The following MFN1 variants were observed in gnomAD, a reference collection of about 807,000 sequenced individuals.
MFN1 encodes mitofusin-1.
Under a neutral mutation model 92.4 loss-of-function variants are expected in MFN1, and 65 were observed. The ratio of observed to expected loss-of-function variants is 0.70; its 90% CI spans 0.58 to 0.86. MFN1 has a LOEUF of 0.86. Among genes scored for constraint, MFN1 ranks in the 40% least tolerant of loss-of-function variants. MFN1 has a pLI of 0.00. For synonymous variants in MFN1, 297 were observed against 300.9 expected (o/e 0.99, Z 0.13); for missense variants, 781 against 868.0 (o/e 0.90, Z 1.26).
chr3:179,372,289 A>G lies in MFN1; in HGVS notation c.976-2931A>G, dbSNP rs570981562. 2.8e-3 allele frequency among the ~76,000 whole-genome samples: 416 copies of G among 151,250 alleles called. 2 individuals are homozygous for G. Among genetic ancestry groups the G allele is most frequent in the African/African-American group, 9.5e-3 (394 of 41,368 alleles). On this transcript the variant is annotated intron_variant, in intron 9 of 17. Transcript: ENST00000471841. The stretch of plus-strand genomic sequence containing the variant: ...AAATAAGTTGGCAGTGATGAGTAGC[A>G]TGTTAGGTGTTTGTAGGGTCTGTTT...
At position 179,364,273 on chromosome 3, in the gene MFN1, CAATTTTTAT is replaced by C. The variant is rs779945906; in HGVS notation, c.537-23_537-15del. On this transcript the variant is annotated splice_polypyrimidine_tract_variant and intron_variant, in intron 5 of 17. Transcript: ENST00000471841. ...AATTTTCTTTTTAAGAAATATAATA[CAATTTTTAT>C]TTCACTCTCATTAGTCCAGGCACAG... 10 of 1,499,168 alleles carry C rather than the reference CAATTTTTAT, an allele frequency of 6.7e-6. No homozygotes were observed. Among genetic ancestry groups the C allele is most frequent in the Non-Finnish European group, 9.0e-6 (10 of 1,108,574 alleles). The allele number at this position is 1,499,168 out of a possible 1,614,324, so 92.9% of individuals were successfully genotyped here.
At chr3:179,391,809 G>A (rs780767810) in intron 17 of MFN1, among the ~76,000 whole-genome samples, 172 bp from the exon 18 acceptor site, 10 of 152,276 alleles carry the variant, frequency 6.6e-5, no homozygotes, top group Non-Finnish European at 1.0e-4. Flanking sequence ...GAATTTGCAA[G>A]CATAATCATG....
intron 9 of MFN1, among the ~76,000 whole-genome samples, chr3:179,373,713 G>GT: frequency 6.6e-6 from 1 of 151,568 alleles, no homozygotes; most frequent in Non-Finnish European, 1.5e-5. Context: ...TCGCTCTGTC[G>GT]CCCAGGCTGG....
At chr3:179,352,181 A>T (rs1276818780) in intron 3 of MFN1, 146 bp downstream of exon 3, 1 of 767,826 alleles carries the variant, frequency 1.3e-6, no homozygotes, top group African/African-American at 1.7e-5. Context: ...ATGTGAAAGA[A>T]TTTGTGCATT....
chr3:179,386,634 G>C lies in MFN1; in HGVS notation c.2012+5G>C. 1.9e-6 allele frequency: 3 copies of C among 1,595,034 alleles called. No homozygotes were observed. Among genetic ancestry groups the C allele is most frequent in the Non-Finnish European group, 2.6e-6 (3 of 1,172,188 alleles). ...CTGCAGTCACCAAGTAAAACAGTAA[G>C]TTGGAAGGTGCATCTTTCCTTTAAA... On this transcript the variant is annotated splice_donor_5th_base_variant and intron_variant, in intron 16 of 17. Transcript: ENST00000471841.
chr3:179,367,325 T>G, intron 7 of MFN1, 114 bp from the exon 8 acceptor site: 1 of 789,568 alleles, frequency 1.3e-6, no homozygotes. Context: ...AATTCATTAG[T>G]TATATGGTAA....
At chr3:179,365,286 G>A in intron 7 of MFN1, 61 bp downstream of exon 7, 1 of 951,370 alleles carries the variant, frequency 1.1e-6, no homozygotes, top group Non-Finnish European at 1.6e-6. Context: ...TGTTATTTGA[G>A]AAAACAATAT....
In MFN1 at chr3:179,368,069, T is replaced by G; in HGVS notation, c.941T>G (p.Leu314Ter). The change falls in exon 9 of 18, where the codon TTA (leucine) becomes TGA (stop). Residue 314 changes from leucine to a stop codon, truncating the protein, a stop_gained. Transcript: ENST00000471841. LOFTEE classifies it high-confidence loss of function. ...CTTGCTGAAGGATTTCATGCAAGAT[T>G]ACAGGAATTTCAGAATTTTGAACAA... ...VALAEGFHAR[L>*]QEFQNFEQIF... is the part of the protein sequence containing the mutation. 6.3e-7 allele frequency: 1 copy of G among 1,574,952 alleles called. No homozygotes were observed. The highest frequency in any genetic ancestry group is 8.6e-7 in the Non-Finnish European group (1 of 1,158,712).
At chr3:179,353,315 C>T (rs1016753809) in intron 3 of MFN1, among the ~76,000 whole-genome samples, 2 of 151,620 alleles carry the variant, frequency 1.3e-5, no homozygotes, top group Non-Finnish European at 2.9e-5. Context: ...ATCCGCCCAC[C>T]TCGACCTCCC....
chr3:179,368,184 T>C, intron 9 of MFN1, 81 bp downstream of exon 9: 1 of 1,080,498 alleles, frequency 9.3e-7, no homozygotes, highest in Non-Finnish European at 1.2e-6. Flanking sequence ...TTTTATCCTT[T>C]GTCTTTGTCA....
At chr3:179,388,632 TATAAG>T (rs1213410924) in intron 16 of MFN1, among the ~76,000 whole-genome samples, 7 of 151,970 alleles carry the variant, frequency 4.6e-5, no homozygotes. Flanking sequence ...TGATAAGAAA[TATAAG>T]AGAAAGAGAA....
chr3:179,387,410 G>A (rs1000485094), intron 16 of MFN1, among the ~76,000 whole-genome samples: 3 of 152,082 alleles, frequency 2.0e-5, no homozygotes, highest in East Asian at 2.0e-4. Context: ...GCCGGGCATG[G>A]TAGCACATGC....
At chr3:179,387,093 T>C (rs1713714216) in intron 16 of MFN1, among the ~76,000 whole-genome samples, 1 of 151,996 alleles carries the variant, frequency 6.6e-6, no homozygotes, top group South Asian at 2.1e-4. Context: ...TTTTTTAATT[T>C]TTTTTTTTTC....
intron 16 of MFN1, among the ~76,000 whole-genome samples, chr3:179,389,216 A>G (rs1051848505): frequency 7.9e-5 from 12 of 152,192 alleles, no homozygotes; most frequent in Admixed American, 7.2e-4. Context: ...TATATTAAGG[A>G]TGAGTTTTCA....
At chr3:179,367,953 TTTAA>T (rs1261812596) in intron 8 of MFN1, 79 bp from the exon 9 acceptor site, 1 of 654,502 alleles carries the variant, frequency 1.5e-6, no homozygotes, top group Non-Finnish European at 2.1e-6. Context: ...TATATATATA[TTTAA>T]AATTATAAAA....
intron 2 of MFN1, among the ~76,000 whole-genome samples, 172 bp downstream of exon 2, chr3:179,349,135 A>G (rs1397284818): frequency 3.3e-5 from 5 of 152,252 alleles, no homozygotes; most frequent in African/African-American, 1.2e-4. Context: ...ATTAAATGGT[A>G]TTAATAACAA....
intron 4 of MFN1, 52 bp downstream of exon 4, chr3:179,359,054 C>G: frequency 6.8e-7 from 1 of 1,473,620 alleles, no homozygotes; most frequent in East Asian, 2.3e-5. Flanking sequence ...ATGTCCTGAA[C>G]TTATTCTTTA....
chr3:179,390,216 G>A (rs560958844), intron 17 of MFN1, 78 bp downstream of exon 17: 11 of 1,175,078 alleles, frequency 9.4e-6, no homozygotes, highest in South Asian at 8.3e-5. Context: ...TAATGAATTT[G>A]TATTCATTCC....
At chr3:179,350,151 CA>C (rs796379073) in intron 2 of MFN1, among the ~76,000 whole-genome samples, 8,462 of 131,184 alleles carry the variant, frequency 0.065, 645 homozygotes, top group African/African-American at 0.2. Flanking sequence ...GACTCCATTT[CA>C]AAAAAAAAAA....
Sources: allele counts gnomAD v4.1 joint callset (sites outside exome capture counted in the v4.1 genomes callset), GRCh38; gene constraint gnomAD v4.1.1; transcripts MANE v1.5; gene names NCBI Gene and HGNC (gene_info 2026-07-23, HGNC 2026-07-21).